GRM3: variants seen among roughly 807,000 people sequenced by gnomAD.
GRM3 encodes the protein metabotropic glutamate receptor 3.
A neutral mutation model predicts 70.5 loss-of-function variants in GRM3; 26 were observed. That is an observed-to-expected ratio of 0.37 (90% CI 0.27 to 0.51). The LOEUF (loss-of-function observed/expected upper bound fraction) is 0.51, where lower values mean the gene tolerates loss of function less well. Ranked by LOEUF, GRM3 falls within the 20% of genes least tolerant of loss-of-function variation. The pLI, the probability that GRM3 is intolerant of heterozygous loss-of-function variation, is 0.93. For missense variants in GRM3, 859 were observed against 1,123.8 expected (o/e 0.76, Z 3.37); for synonymous variants, 443 against 434.9 (o/e 1.02, Z -0.23).
chr7:86,726,291 CCTTGTGGT>C (rs1795591854), intron 1 of GRM3, among the ~76,000 whole-genome samples: 1 of 152,154 alleles, frequency 6.6e-6, no homozygotes, highest in Non-Finnish European at 1.5e-5. Flanking sequence ...AGTCATGGGA[CCTTGTGGT>C]CATTACAGAG....
intron 3 of GRM3, among the ~76,000 whole-genome samples, chr7:86,830,770 C>T (rs895107925): frequency 1.3e-5 from 2 of 152,102 alleles, no homozygotes; most frequent in South Asian, 2.1e-4. Flanking sequence ...GAAGTCATAA[C>T]CCTAGTATCT....
At position 86,864,328 on chromosome 7, in the gene GRM3, C is replaced by T. The variant is rs2115633259; in HGVS notation, c.2613C>T (p.Val871=). The T allele has an allele frequency of 6.2e-7, 1 of 1,611,504 alleles. No individual in the cohort carries two copies. Among genetic ancestry groups the T allele is most frequent in the Non-Finnish European group, 8.5e-7 (1 of 1,177,720 alleles). ...CAACGGTGTGCAATGGGCGGGAAGT[C>T]CTCGACTCCACCACCTCATCTCTGT... ...YVPTVCNGRE[V]LDSTTSSL The change falls in exon 6 of 6, where the codon GTC becomes GTT. Residue 871 remains valine (V), a synonymous_variant. Coordinates refer to ENST00000361669, the MANE Select transcript of GRM3 (RefSeq NM_000840.3).
chr7:86,743,333 T>C (rs1046629579), intron 1 of GRM3, among the ~76,000 whole-genome samples: 1 of 151,978 alleles, frequency 6.6e-6, no homozygotes, highest in African/African-American at 2.4e-5. Context: ...TCACAAAATA[T>C]CCTCCCCCAG....
At chr7:86,764,751 A>G (rs911430859) in intron 1 of GRM3, among the ~76,000 whole-genome samples, 3 of 152,124 alleles carry the variant, frequency 2.0e-5, no homozygotes, top group Admixed American at 6.6e-5. Flanking sequence ...CCAATCTGCA[A>G]TAAGTACACT....
chr7:86,843,537 T>A (rs1286429112), intron 4 of GRM3, among the ~76,000 whole-genome samples: 3 of 152,218 alleles, frequency 2.0e-5, no homozygotes, highest in African/African-American at 7.2e-5. Flanking sequence ...TCAGATAGTT[T>A]AAGAATCAAA....
At chr7:86,801,064 C>CTATTT in intron 3 of GRM3, among the ~76,000 whole-genome samples, 1 of 86,826 alleles carries the variant, frequency 1.2e-5, no homozygotes, top group Non-Finnish European at 2.1e-5. Context: ...CAAACTTCTT[C>CTATTT]TTTTTTTTTT....
At chr7:86,678,844 C>T (rs1205965116) in intron 1 of GRM3, among the ~76,000 whole-genome samples, 1 of 151,944 alleles carries the variant, frequency 6.6e-6, no homozygotes, top group Non-Finnish European at 1.5e-5. Context: ...GGCATTTCTG[C>T]TTTCATGATA....
At chr7:86,718,631 T>C (rs1795379556) in intron 1 of GRM3, among the ~76,000 whole-genome samples, 1 of 151,918 alleles carries the variant, frequency 6.6e-6, no homozygotes, top group Admixed American at 6.6e-5. Flanking sequence ...CACCTGCCTC[T>C]GTAAGGCAAG....
intron 1 of GRM3, among the ~76,000 whole-genome samples, chr7:86,759,766 G>A (rs1275541086): frequency 6.6e-6 from 1 of 152,104 alleles, no homozygotes; most frequent in Non-Finnish European, 1.5e-5. Context: ...TTTTAAGGTA[G>A]ATCTACTAAA....
At chr7:86,661,981 C>T (rs1181191755) in intron 1 of GRM3, among the ~76,000 whole-genome samples, 2 of 151,722 alleles carry the variant, frequency 1.3e-5, no homozygotes, top group Non-Finnish European at 2.9e-5. Context: ...TTCCCAAAAA[C>T]CTACTCATAT....
At chr7:86,836,961 A>G (rs1293289035) in intron 3 of GRM3, among the ~76,000 whole-genome samples, 1 of 152,210 alleles carries the variant, frequency 6.6e-6, no homozygotes, top group East Asian at 1.9e-4. Context: ...CTGTGTTACA[A>G]TGAACTTGAA....
chr7:86,687,425 T>A (rs1236281011), intron 1 of GRM3, among the ~76,000 whole-genome samples: 1 of 151,942 alleles, frequency 6.6e-6, no homozygotes, highest in Non-Finnish European at 1.5e-5. Flanking sequence ...CTACCAATTC[T>A]TCAACAGAAA....
chr7:86,649,746 G>T (rs1793562259), intron 1 of GRM3, among the ~76,000 whole-genome samples: 1 of 151,996 alleles, frequency 6.6e-6, no homozygotes, highest in Non-Finnish European at 1.5e-5. Flanking sequence ...AATTTGAGAA[G>T]ATTCCTCTAA....
chr7:86,757,436 G>A (rs560302410), intron 1 of GRM3, among the ~76,000 whole-genome samples: 3 of 152,206 alleles, frequency 2.0e-5, no homozygotes, highest in South Asian at 4.1e-4. Flanking sequence ...CCAGAGCTTG[G>A]CCTTTACTAA....
intron 3 of GRM3, among the ~76,000 whole-genome samples, chr7:86,824,534 A>G (rs1798192472): frequency 6.6e-6 from 1 of 152,176 alleles, no homozygotes. Flanking sequence ...GCTTGGGGCT[A>G]CAAGAGAGGA....
At chr7:86,760,461 C>A (rs982776885) in intron 1 of GRM3, among the ~76,000 whole-genome samples, 1 of 152,056 alleles carries the variant, frequency 6.6e-6, no homozygotes, top group African/African-American at 2.4e-5. Flanking sequence ...TGTAGAGATG[C>A]AATTCTCCAG....
chr7:86,839,694 T>C lies in GRM3; in HGVS notation c.2180T>C (p.Ile727Thr), dbSNP rs1798525335. ...YTLAEKRETV[I>T]LKCNVKDSSM... ...CTTGCAGAGAAGCGGGAAACAGTCATCCTAAAATGCAATGTCAAAGATTCC... is the reference window on the plus strand; with the variant it reads ...CTTGCAGAGAAGCGGGAAACAGTCACCCTAAAATGCAATGTCAAAGATTCC... The change falls in exon 4 of 6, where the codon ATC becomes ACC. Residue 727 changes from isoleucine to threonine, a missense_variant. Ile to Thr is a moderately conservative substitution (Grantham distance 89, BLOSUM62 -1). Coordinates refer to ENST00000361669, the MANE Select transcript of GRM3 (RefSeq NM_000840.3). The surrounding 1 kb of genome is among the most constrained non-coding windows in gnomAD (Gnocchi z 4.5). 1.2e-6 allele frequency: 2 copies of C among 1,613,882 alleles called. No individual in the cohort carries two copies. Among genetic ancestry groups the C allele is most frequent in the Non-Finnish European group, 8.5e-7 (1 of 1,179,948 alleles).
intron 1 of GRM3, among the ~76,000 whole-genome samples, chr7:86,711,685 T>G (rs931381081): frequency 6.6e-6 from 1 of 152,128 alleles, no homozygotes; most frequent in African/African-American, 2.4e-5. Flanking sequence ...CAACTTATAG[T>G]TAATTAATTA....
chr7:86,685,651 A>G (rs181865591), intron 1 of GRM3, among the ~76,000 whole-genome samples: 1 of 152,316 alleles, frequency 6.6e-6, no homozygotes, highest in Admixed American at 6.5e-5. Context: ...TCACGCCTGT[A>G]ATCCCAGCAC....
Sources: allele counts gnomAD v4.1 joint callset (sites outside exome capture counted in the v4.1 genomes callset), GRCh38; gene constraint gnomAD v4.1.1; non-coding constraint Gnocchi (gnomAD v3.1); transcripts MANE v1.5; gene names NCBI Gene and HGNC (gene_info 2026-07-23, HGNC 2026-07-21).